SUGCT: variants seen among roughly 807,000 people sequenced by gnomAD.
SUGCT encodes the protein succinyl-CoA:glutarate CoA-transferase.
SUGCT carries 41 observed loss-of-function variants against 55.0 expected under a neutral mutation model. The observed-to-expected ratio is 0.74, with a 90% CI of 0.58 to 0.97. SUGCT has a LOEUF of 0.97. SUGCT is among the 50% of genes least tolerant of loss of function. SUGCT has a pLI of 0.00. For missense variants in SUGCT, 568 were observed against 547.8 expected (o/e 1.04, Z -0.37); for synonymous variants, 187 against 200.4 (o/e 0.93, Z 0.56).
rs570239021 is a variant in SUGCT at position 40,271,290 on chromosome 7, A to AT, written c.577-3215dup. ...ATTCTTTTAAAAAATAATTAGTTAAATTTTTTTTCTTTTGTAAAATATATA... is the reference window on the plus strand; with the variant it reads ...ATTCTTTTAAAAAATAATTAGTTAAATTTTTTTTTCTTTTGTAAAATATATA... On this transcript the variant is annotated intron_variant, in intron 7 of 13. Transcript: ENST00000335693. Among the ~76,000 whole-genome samples the AT allele has an allele frequency of 7.8e-3, 1,185 of 151,956 alleles. 15 individuals carry two copies. The highest frequency in any genetic ancestry group is 0.027 in the African/African-American group (1,138 of 41,416).
chr7:40,168,436 A>G (rs970150979), intron 1 of SUGCT, among the ~76,000 whole-genome samples: 39 of 152,196 alleles, frequency 2.6e-4, no homozygotes, highest in African/African-American at 9.2e-4. Context: ...CTGGGGCTCT[A>G]TTTGAAGAAC....
the SUGCT span, among the ~76,000 whole-genome samples, chr7:40,868,840 G>A: frequency 6.6e-6 from 1 of 152,140 alleles, no homozygotes; most frequent in Non-Finnish European, 1.5e-5. Flanking sequence ...GAGCCACTGA[G>A]CCTGGCTATG....
At chr7:40,657,250 T>G (rs1397690555) in intron 12 of SUGCT, among the ~76,000 whole-genome samples, 1 of 152,172 alleles carries the variant, frequency 6.6e-6, no homozygotes, top group African/African-American at 2.4e-5. Context: ...CTATTATGCT[T>G]CTTTTCCCCT....
At chr7:40,668,759 A>T (rs1424845303) in intron 12 of SUGCT, among the ~76,000 whole-genome samples, 1 of 152,176 alleles carries the variant, frequency 6.6e-6, no homozygotes, top group East Asian at 1.9e-4. Context: ...AGCTCCAAGA[A>T]CACCAAAAGA....
chr7:40,863,500 A>G (rs754503106), downstream of SUGCT, among the ~76,000 whole-genome samples: 1 of 152,206 alleles, frequency 6.6e-6, no homozygotes, highest in Non-Finnish European at 1.5e-5. Flanking sequence ...CATACTCCAG[A>G]TAATGGACCT....
the SUGCT span, among the ~76,000 whole-genome samples, chr7:40,936,501 T>C: frequency 6.6e-6 from 1 of 151,914 alleles, no homozygotes; most frequent in Non-Finnish European, 1.5e-5. Context: ...TGGTCAGGTC[T>C]GGCTAAAGGC....
rs186839946 is a variant in SUGCT, at chr7:40,304,876, G to A, written c.721-11884G>A. 3.0e-4 allele frequency among the ~76,000 whole-genome samples: 46 copies of A among 152,042 alleles called. No homozygotes were observed. In the East Asian group the frequency reaches 8.1e-3, roughly 27 times the overall value. ...GATTGTCTCAATAGACACAGAAAAA[G>A]CATTTGACAAAATCCAGCATCCCTT... is the stretch of plus-strand genomic sequence containing the variant. On this transcript the variant is annotated intron_variant, in intron 8 of 13. Coordinates refer to ENST00000335693, the MANE Select transcript of SUGCT (RefSeq NM_001193313.2).
the SUGCT span, among the ~76,000 whole-genome samples, chr7:40,905,342 T>A: frequency 6.6e-6 from 1 of 152,182 alleles, no homozygotes; most frequent in Non-Finnish European, 1.5e-5. Flanking sequence ...ACCTGAAGAA[T>A]TTATGTTTTC....
chr7:40,509,713 T>C (rs770965449), intron 12 of SUGCT, among the ~76,000 whole-genome samples: 1 of 152,122 alleles, frequency 6.6e-6, no homozygotes, highest in Non-Finnish European at 1.5e-5. Context: ...TGTGTTGAGT[T>C]CAGACCAGGG....
chr7:40,656,898 T>A (rs1025467095), intron 12 of SUGCT, among the ~76,000 whole-genome samples: 1 of 152,232 alleles, frequency 6.6e-6, no homozygotes, highest in Admixed American at 6.5e-5. Context: ...AGTTAACATT[T>A]AGTTCACACA....
chr7:41,009,635 C>T, the SUGCT span, among the ~76,000 whole-genome samples: 3 of 151,702 alleles, frequency 2.0e-5, no homozygotes, highest in Admixed American at 6.6e-5. Flanking sequence ...TCCACCCTTC[C>T]TTCCATCCAC....
At chr7:40,598,765 A>G (rs1798151663) in intron 12 of SUGCT, among the ~76,000 whole-genome samples, 1 of 152,208 alleles carries the variant, frequency 6.6e-6, no homozygotes, top group South Asian at 2.1e-4. Context: ...ACTTTGACCA[A>G]TGAATGACAG....
At chr7:40,732,063 C>T (rs753451878) in intron 12 of SUGCT, among the ~76,000 whole-genome samples, 6 of 152,162 alleles carry the variant, frequency 3.9e-5, no homozygotes, top group East Asian at 1.9e-4. Flanking sequence ...TACTACAAAC[C>T]GGACTGCTTA....
intron 9 of SUGCT, among the ~76,000 whole-genome samples, chr7:40,369,765 C>T (rs1310585951): frequency 1.3e-5 from 2 of 152,090 alleles, no homozygotes; most frequent in African/African-American, 4.8e-5. Flanking sequence ...TAAAGTGGGC[C>T]TGTGGATTAG....
At chr7:40,352,995 T>G (rs1048827307) in intron 9 of SUGCT, among the ~76,000 whole-genome samples, 1 of 152,190 alleles carries the variant, frequency 6.6e-6, no homozygotes, top group African/African-American at 2.4e-5. Flanking sequence ...GGTAACTCAT[T>G]GTGGTTTTGA....
the SUGCT span, among the ~76,000 whole-genome samples, chr7:40,954,467 A>C: frequency 6.6e-6 from 1 of 152,180 alleles, no homozygotes; most frequent in African/African-American, 2.4e-5. Context: ...TCCTGCACCC[A>C]GTGTCTGACA....
At position 40,624,847 on chromosome 7, in the gene SUGCT, CTTT is replaced by C. The variant is rs751341769; in HGVS notation, c.1090-124585_1090-124583del. Among the ~76,000 whole-genome samples, 4 of 151,620 alleles carry C rather than the reference CTTT, an allele frequency of 2.6e-5. No homozygotes were observed. In the East Asian group the frequency reaches 7.8e-4, roughly 29 times the overall value. On this transcript the variant is annotated intron_variant, in intron 12 of 13. Coordinates refer to ENST00000335693, the MANE Select transcript of SUGCT (RefSeq NM_001193313.2). ...AAACACGCCAAGCTGAGCAGACCTT[CTTT>C]TATCTGTTTTCACAATGGACTTCCA...
In SUGCT at chr7:40,249,946, G is replaced by A. The variant is rs111659723; in HGVS notation, c.576+12220G>A. ...GGACTACAGGCGTGCACCACCATGC[G>A]TGGATAATTTTTGTATTTTTAGTAG... is the stretch of plus-strand genomic sequence containing the variant. On this transcript the variant is annotated intron_variant, in intron 7 of 13. Transcript: ENST00000335693. Among the ~76,000 whole-genome samples, 1,004 of 152,104 alleles carry A rather than the reference G, an allele frequency of 6.6e-3. 7 individuals carry two copies. Among genetic ancestry groups the A allele is most frequent in the African/African-American group, 0.023 (946 of 41,512 alleles).
intron 12 of SUGCT, among the ~76,000 whole-genome samples, chr7:40,560,298 C>G (rs530192982): frequency 6.6e-6 from 1 of 152,256 alleles, no homozygotes; most frequent in South Asian, 2.1e-4. Flanking sequence ...ATGTGCACAT[C>G]ATGTACACAT....
Sources: gnomAD v4.1 joint callset for allele counts (sites outside exome capture counted in the v4.1 genomes callset) on GRCh38, gnomAD v4.1.1 for gene constraint, MANE v1.5 for transcripts, NCBI Gene and HGNC (gene_info 2026-07-23, HGNC 2026-07-21) for gene names.